The following GLMN variants were observed in gnomAD, a reference collection of about 807,000 sequenced individuals.
The protein encoded by GLMN is glomulin.
Under a neutral mutation model 87.8 loss-of-function variants are expected in GLMN, and 75 were observed. That is an observed-to-expected ratio of 0.85 (90% CI 0.71 to 1.04). The LOEUF is 1.04. Ranked by LOEUF, GLMN falls within the 50% of genes least tolerant of loss-of-function variation. The probability of loss-of-function intolerance (pLI) is 0.00; values close to 1 mark genes in which losing one functional copy is unlikely to be tolerated. For synonymous variants in GLMN, 206 were observed against 221.6 expected (o/e 0.93, Z 0.63); for missense variants, 588 against 658.8 (o/e 0.89, Z 1.18).
At chr1:92,330,743 C>T in the GLMN span, among the ~76,000 whole-genome samples, 1 of 152,138 alleles carries the variant, frequency 6.6e-6, no homozygotes, top group Admixed American at 6.5e-5. Flanking sequence ...TGAACCACCA[C>T]GCCTGGCCTG....
the GLMN span, among the ~76,000 whole-genome samples, chr1:92,338,668 A>T: frequency 3.6e-5 from 4 of 112,368 alleles, no homozygotes; most frequent in Admixed American, 8.9e-5. Flanking sequence ...TTTTTTTTTT[A>T]AAGACAGGGT....
intron 1 of GLMN, 36 bp downstream of exon 1, chr1:92,298,889 C>A (rs1265084237): frequency 2.4e-6 from 1 of 409,070 alleles, no homozygotes; most frequent in African/African-American, 2.1e-5. Context: ...AACCGCGAGC[C>A]CTGGCCACCC....
chr1:92,300,666 TCA>T (rs1242745651), upstream of GLMN, among the ~76,000 whole-genome samples: 1 of 152,218 alleles, frequency 6.6e-6, no homozygotes, highest in East Asian at 1.9e-4. Context: ...TTACCACATA[TCA>T]CACAGAGTTT....
At position 92,247,115 on chromosome 1, in the gene GLMN, T is replaced by C. The variant is rs538898085; in HGVS notation, c.1615A>G (p.Ile539Val). 23 of 1,569,658 alleles carry C rather than the reference T, an allele frequency of 1.5e-5. No individual in the cohort carries two copies. Among genetic ancestry groups the C allele is most frequent in the South Asian group, 1.0e-4 (9 of 90,150 alleles). The change falls in exon 18 of 19, where the codon ATA (isoleucine) becomes GTA (valine). Residue 539 changes from isoleucine to valine, a missense_variant. Ile to Val is a conservative substitution (Grantham distance 29). Coordinates refer to ENST00000370360, the MANE Select transcript of GLMN (RefSeq NM_053274.3). ...GGGATCTCTTCTCCACTTACAGTTA[T>C]AGAACAAAGATCTTTAGATTTCTGG... Reference protein sequence around the residue: ...EAQKSKDLCSITVSGEEIPNM... With the variant: ...EAQKSKDLCSVTVSGEEIPNM...
rs749157692 is a variant in GLMN, at chr1:92,264,631, A to G, written c.1222T>C (p.Leu408=). Residue 408 remains leucine (L), a synonymous_variant, in exon 14 of 19, where the codon TTG becomes CTG. Transcript: ENST00000370360. ...ACACCTGAGTGATTACTTGTATTCA[A>G]TAAGCACCTTGAAAGCAAAATTACA... The part of the protein sequence containing the change: ...QGKYTLFRCL[L]NTSNHSGVEA... 13 of 1,560,792 alleles carry G rather than the reference A, an allele frequency of 8.3e-6. No individual in the cohort carries two copies. The highest frequency in any genetic ancestry group is 1.7e-4 in the Middle Eastern group (1 of 5,984).
At chr1:92,301,573 G>C (rs776194425), upstream of GLMN, 1 of 1,501,284 alleles carries the variant, frequency 6.7e-7, no homozygotes, top group Non-Finnish European at 9.1e-7. Context: ...TATTACAGAA[G>C]AGTTCCTAAT....
chr1:92,336,308 A>C, the GLMN span: 1 of 1,450,684 alleles, frequency 6.9e-7, no homozygotes. Context: ...GTTTCCATAT[A>C]ATTTTGTTTT....
chr1:92,313,625 C>A, the GLMN span, among the ~76,000 whole-genome samples: 1 of 152,086 alleles, frequency 6.6e-6, no homozygotes, highest in Non-Finnish European at 1.5e-5. Flanking sequence ...GCATTGGCTT[C>A]AACTTAAAGT....
the GLMN span, among the ~76,000 whole-genome samples, chr1:92,334,674 C>T: frequency 1.3e-5 from 2 of 151,794 alleles, no homozygotes; most frequent in Admixed American, 1.3e-4. Context: ...ATAGTAAGAC[C>T]ACATCTCTAC....
intron 17 of GLMN, 127 bp from the exon 18 acceptor site, chr1:92,247,271 A>G: frequency 2.8e-6 from 2 of 717,836 alleles, no homozygotes; most frequent in Middle Eastern, 6.7e-4. Context: ...TCCATTGTTT[A>G]ACAGCTCAGG....
chr1:92,250,301 A>G (rs891629916), intron 16 of GLMN, among the ~76,000 whole-genome samples: 8 of 43,570 alleles, frequency 1.8e-4, no homozygotes, highest in African/African-American at 5.1e-4. Flanking sequence ...CACTTAAACA[A>G]TATAATTTTT....
chr1:92,247,059 C>T lies in GLMN; in HGVS notation c.1668+3G>A. On this transcript the variant is annotated splice_donor_region_variant and intron_variant, in intron 18 of 18. Transcript: ENST00000370360. The stretch of plus-strand genomic sequence containing the variant: ...AAGGAAAGAAAAGAAAATTTCAGAT[C>T]ACCTTAAGCTGCATTTCAGGAGGCA... 1 of 1,451,552 alleles carries T rather than the reference C, an allele frequency of 6.9e-7. No homozygotes were observed. The highest frequency in any genetic ancestry group is 9.7e-7 in the Non-Finnish European group (1 of 1,033,714). The allele number at this position is 1,451,552 out of a possible 1,614,324, so 89.9% of individuals were successfully genotyped here. A position where few individuals can be genotyped will look rare whatever the true frequency, so the allele number is the denominator to read the frequency against.
chr1:92,340,385 A>G, the GLMN span, among the ~76,000 whole-genome samples: 2 of 152,338 alleles, frequency 1.3e-5, no homozygotes, highest in Admixed American at 1.3e-4. Context: ...AAGCTTCTGG[A>G]AAAATGCCAT....
At chr1:92,294,254 AT>A (rs1649770711) in intron 3 of GLMN, among the ~76,000 whole-genome samples, 2 of 152,250 alleles carry the variant, frequency 1.3e-5, no homozygotes, top group African/African-American at 2.4e-5. Context: ...AAAAATTAGA[AT>A]TTTTTTAAAA....
intron 16 of GLMN, among the ~76,000 whole-genome samples, chr1:92,257,795 A>C (rs957509727): frequency 6.6e-6 from 1 of 152,122 alleles, no homozygotes; most frequent in Admixed American, 6.6e-5. Flanking sequence ...ATAAAAACCC[A>C]AAACCATAAA....
At chr1:92,343,288 T>C in the GLMN span, among the ~76,000 whole-genome samples, 1 of 152,186 alleles carries the variant, frequency 6.6e-6, no homozygotes, top group Non-Finnish European at 1.5e-5. Context: ...TTTGGCAGTA[T>C]GGCTGTCTCT....
intron 7 of GLMN, among the ~76,000 whole-genome samples, chr1:92,281,166 T>G (rs1647999740): frequency 6.6e-6 from 1 of 152,034 alleles, no homozygotes; most frequent in African/African-American, 2.4e-5. Flanking sequence ...CACATAATTG[T>G]CAGATTCACC....
At chr1:92,284,967 G>A (rs1648553149) in intron 7 of GLMN, among the ~76,000 whole-genome samples, 1 of 152,178 alleles carries the variant, frequency 6.6e-6, no homozygotes, top group Non-Finnish European at 1.5e-5. Flanking sequence ...GGAAACAACA[G>A]ATGCTGGAGA....
chr1:92,298,931 G>GAACCCTCGCCTCTCCCAGCCGC lies in GLMN; in HGVS notation c.-59_-38dup. The GAACCCTCGCCTCTCCCAGCCGC allele has an allele frequency of 4.2e-6, 2 of 478,620 alleles. No homozygotes were observed. The highest frequency in any genetic ancestry group is 7.4e-6 in the Non-Finnish European group (2 of 268,928). The allele number at this position is 478,620 out of a possible 1,614,324, so 29.6% of individuals were successfully genotyped here. A position where few individuals can be genotyped will look rare whatever the true frequency, so the allele number is the denominator to read the frequency against. ...TCTCCACAACTCCACTTACCGGCCA[G>GAACCCTCGCCTCTCCCAGCCGC]AACCCTCGCCTCTCCCAGCCGCCGC... On this transcript the variant is annotated 5_prime_UTR_variant, in exon 1 of 19. Coordinates refer to ENST00000370360, the MANE Select transcript of GLMN (RefSeq NM_053274.3).
Sources: allele counts gnomAD v4.1 joint callset (sites outside exome capture counted in the v4.1 genomes callset), GRCh38; gene constraint gnomAD v4.1.1; transcripts MANE v1.5; gene names NCBI Gene and HGNC (gene_info 2026-07-23, HGNC 2026-07-21).